The following NCALD variants were observed in gnomAD, a reference collection of about 807,000 sequenced individuals.
NCALD encodes the protein neurocalcin delta.
Under a neutral mutation model 18.6 loss-of-function variants are expected in NCALD, and 10 were observed. That is an observed-to-expected ratio of 0.54 (90% CI 0.33 to 0.91). The LOEUF is 0.91. Ranked by LOEUF, NCALD falls within the 40% of genes least tolerant of loss-of-function variation. The pLI is 0.03. For missense variants in NCALD, 184 were observed against 247.6 expected (o/e 0.74, Z 1.72); for synonymous variants, 88 against 87.4 (o/e 1.01, Z -0.04).
chr8:101,815,402 G>A (rs1813456144), intron 4 of NCALD, among the ~76,000 whole-genome samples: 1 of 151,938 alleles, frequency 6.6e-6, no homozygotes, highest in Non-Finnish European at 1.5e-5. Flanking sequence ...TAGAACAATT[G>A]GATATCCACA....
chr8:101,837,056 AC>A (rs146747740), intron 4 of NCALD, among the ~76,000 whole-genome samples: 1,891 of 152,280 alleles, frequency 0.012, 36 homozygotes, highest in African/African-American at 0.042. Flanking sequence ...AATATCAACC[AC>A]CCTGCTTTGC....
At chr8:101,779,197 A>G (rs1811915872) in intron 1 of NCALD, among the ~76,000 whole-genome samples, 2 of 152,214 alleles carry the variant, frequency 1.3e-5, no homozygotes, top group Non-Finnish European at 2.9e-5. Flanking sequence ...GCAAAATTGA[A>G]AATGAGTCTA....
At chr8:101,767,641 G>A (rs1258111550) in intron 1 of NCALD, among the ~76,000 whole-genome samples, 1 of 152,240 alleles carries the variant, frequency 6.6e-6, no homozygotes, top group Non-Finnish European at 1.5e-5. Context: ...CTTCTACGAT[G>A]TTGAGAAGGT....
At chr8:102,043,345 G>GTTTT (rs1310612046) in intron 1 of NCALD, among the ~76,000 whole-genome samples, 1 of 151,800 alleles carries the variant, frequency 6.6e-6, no homozygotes, top group Non-Finnish European at 1.5e-5. Context: ...GTTTTGTTTT[G>GTTTT]TTTTTGGTGT....
intron 4 of NCALD, among the ~76,000 whole-genome samples, chr8:101,876,261 G>C (rs932891890): frequency 2.0e-5 from 3 of 152,182 alleles, no homozygotes; most frequent in African/African-American, 7.2e-5. Flanking sequence ...CAACACACAG[G>C]GTGAAGCATA....
rs193018613 is a variant in NCALD, at chr8:102,087,405, C to T, written c.-210+36832G>A. 9.5e-4 allele frequency among the ~76,000 whole-genome samples: 145 copies of T among 152,196 alleles called. 1 individual carries two copies. The highest frequency in any genetic ancestry group is 4.8e-3 in the East Asian group (25 of 5,178). The stretch of plus-strand genomic sequence containing the variant: ...GAAATAGACTGCAGCACTGATTGGC[C>T]GGCTTTGGGTAAGTGGTAGGGCACC... On this transcript the variant is annotated intron_variant, in intron 1 of 6. Transcript: ENST00000311028.
chr8:101,886,407 G>T (rs1278116655), intron 4 of NCALD, among the ~76,000 whole-genome samples: 1 of 152,114 alleles, frequency 6.6e-6, no homozygotes, highest in Non-Finnish European at 1.5e-5. Context: ...TAATCTTCAT[G>T]ACTTTTTTCC....
intron 4 of NCALD, among the ~76,000 whole-genome samples, chr8:101,828,173 C>A (rs77828225): frequency 2.6e-4 from 40 of 152,248 alleles, no homozygotes; most frequent in African/African-American, 9.6e-4. Flanking sequence ...TCCTCCATAA[C>A]GCAGCCAGAA....
intron 2 of NCALD, among the ~76,000 whole-genome samples, chr8:102,013,387 C>T (rs1325309648): frequency 1.3e-5 from 2 of 152,180 alleles, no homozygotes; most frequent in African/African-American, 2.4e-5. Flanking sequence ...TAATCTTTAC[C>T]TCCCTGTTGG....
intron 4 of NCALD, among the ~76,000 whole-genome samples, chr8:101,871,134 G>A (rs1816000468): frequency 6.6e-6 from 1 of 152,054 alleles, no homozygotes; most frequent in Non-Finnish European, 1.5e-5. Context: ...CCAGGATACA[G>A]TAATTGATAG....
upstream of NCALD, among the ~76,000 whole-genome samples, chr8:101,791,676 A>T (rs975285879): frequency 3.9e-5 from 6 of 152,156 alleles, no homozygotes; most frequent in African/African-American, 1.4e-4. Context: ...CTAGGTAAAA[A>T]TGAGGACCGA....
chr8:101,785,475 C>T (rs1812187436), intron 1 of NCALD, among the ~76,000 whole-genome samples: 1 of 152,040 alleles, frequency 6.6e-6, no homozygotes, highest in Non-Finnish European at 1.5e-5. Context: ...GAAACAGGCC[C>T]CTGATCAGTT....
chr8:101,913,984 C>T (rs1052471024), intron 3 of NCALD, among the ~76,000 whole-genome samples: 1 of 152,168 alleles, frequency 6.6e-6, no homozygotes, highest in Non-Finnish European at 1.5e-5. Flanking sequence ...ACCCAGTTTT[C>T]CCAAATATTA....
At chr8:101,703,622 C>T (rs939773822) in intron 2 of NCALD, among the ~76,000 whole-genome samples, 1 of 152,182 alleles carries the variant, frequency 6.6e-6, no homozygotes, top group Non-Finnish European at 1.5e-5. Context: ...AGAGCTAAGT[C>T]CTATGTTGGC....
At position 101,986,780 on chromosome 8, in the gene NCALD, A is replaced by G. The variant is rs191362652; in HGVS notation, c.-157+33457T>C. Among the ~76,000 whole-genome samples the G allele has an allele frequency of 5.9e-5, 9 of 152,380 alleles. No individual in the cohort carries two copies. The East Asian group carries it at 1.7e-3, about 29-fold the overall frequency. On this transcript the variant is annotated intron_variant, in intron 2 of 6. Coordinates refer to the NCALD transcript ENST00000311028. ...TTAGTTAATAGAACTAAATAATTATAGCAAATGGCTAACAAGGATTCTTCC... is the reference window on the plus strand; with the variant it reads ...TTAGTTAATAGAACTAAATAATTATGGCAAATGGCTAACAAGGATTCTTCC...
chr8:101,970,410 T>C (rs1157617166), intron 2 of NCALD, among the ~76,000 whole-genome samples: 1 of 152,192 alleles, frequency 6.6e-6, no homozygotes, highest in African/African-American at 2.4e-5. Flanking sequence ...TTTCCATCAA[T>C]GGTACTGCCT....
chr8:101,765,553 TC>T (rs1811312357), intron 1 of NCALD, among the ~76,000 whole-genome samples: 1 of 152,204 alleles, frequency 6.6e-6, no homozygotes, highest in African/African-American at 2.4e-5. Context: ...AGTAAGATGC[TC>T]CTGGAATCTT....
chr8:102,057,175 C>T (rs1291022037), intron 1 of NCALD, among the ~76,000 whole-genome samples: 2 of 152,062 alleles, frequency 1.3e-5, no homozygotes, highest in Admixed American at 1.3e-4. Context: ...TTTCTCTACT[C>T]TTCGTGCTCC....
chr8:101,726,327 A>G (rs1207486084), intron 1 of NCALD, among the ~76,000 whole-genome samples: 2 of 152,166 alleles, frequency 1.3e-5, no homozygotes, highest in Non-Finnish European at 2.9e-5. Flanking sequence ...TAAAGAGGAA[A>G]AGGGCAGAGC....
Sources: gnomAD v4.1 joint callset for allele counts (sites outside exome capture counted in the v4.1 genomes callset) on GRCh38, gnomAD v4.1.1 for gene constraint, MANE v1.5 for transcripts, NCBI Gene and HGNC (gene_info 2026-07-23, HGNC 2026-07-21) for gene names.